The following GREB1L variants were observed in gnomAD, a reference collection of about 807,000 sequenced individuals.
The protein encoded by GREB1L is GREB1 like retinoic acid receptor coactivator.
In GREB1L, 17 loss-of-function variants were observed where a neutral mutation model predicts 200.8. That is an observed-to-expected ratio of 0.08 (90% CI 0.06 to 0.13). The LOEUF (loss-of-function observed/expected upper bound fraction) is 0.13. Among genes scored for constraint, GREB1L ranks in the 10% least tolerant of loss-of-function variants. The pLI is 1.00. For missense variants in GREB1L, 1,657 were observed against 2,367.7 expected (o/e 0.70, Z 6.23); for synonymous variants, 789 against 893.0 (o/e 0.88, Z 2.08).
chr18:21,460,376 G>A (rs756406942), intron 15 of GREB1L, among the ~76,000 whole-genome samples: 6 of 151,874 alleles, frequency 4.0e-5, no homozygotes, highest in African/African-American at 7.2e-5. Context: ...ACAGAGTTTC[G>A]CTTTTGTTGC....
chr18:21,503,207 AT>A (rs1568066676), intron 23 of GREB1L, among the ~76,000 whole-genome samples: 1 of 151,548 alleles, frequency 6.6e-6, no homozygotes, highest in Non-Finnish European at 1.5e-5. Flanking sequence ...ATTATTATTA[AT>A]AATAAAAAAA....
At chr18:21,471,545 A>G (rs1426658487) in intron 15 of GREB1L, among the ~76,000 whole-genome samples, 1 of 152,150 alleles carries the variant, frequency 6.6e-6, no homozygotes, top group Non-Finnish European at 1.5e-5. Flanking sequence ...CTAGCACAGT[A>G]AGTGGCATGG....
chr18:21,418,013 A>G (rs562193788), intron 7 of GREB1L, among the ~76,000 whole-genome samples: 65 of 151,872 alleles, frequency 4.3e-4, no homozygotes, highest in African/African-American at 1.5e-3. Context: ...AAAGAAAACC[A>G]CTGAAAATAG....
chr18:21,304,039 C>G (rs1336719261), intron 1 of GREB1L, among the ~76,000 whole-genome samples: 3 of 152,158 alleles, frequency 2.0e-5, no homozygotes, highest in Non-Finnish European at 4.4e-5. Flanking sequence ...GTTGCCCCCC[C>G]ATAGAATTTA....
At chr18:21,407,117 C>T (rs1160031767) in intron 7 of GREB1L, among the ~76,000 whole-genome samples, 1 of 152,052 alleles carries the variant, frequency 6.6e-6, no homozygotes, top group Non-Finnish European at 1.5e-5. Flanking sequence ...TCAGGTGATC[C>T]ACCAGCCTTG....
At chr18:21,412,051 C>CAAAAAAAAAAAAAAAAAA (rs962603456) in intron 7 of GREB1L, among the ~76,000 whole-genome samples, 4 of 30,506 alleles carry the variant, frequency 1.3e-4, no homozygotes, top group African/African-American at 4.4e-4. Flanking sequence ...GACTCCGTCT[C>CAAAAAAAAAAAAAAAAAA]AAAAAAAAAA....
At chr18:21,487,917 A>G (rs140566127) in intron 18 of GREB1L, among the ~76,000 whole-genome samples, 71 of 151,600 alleles carry the variant, frequency 4.7e-4, no homozygotes, top group African/African-American at 1.6e-3. Flanking sequence ...AGGTTGAGGC[A>G]GGAGAATCAC....
intron 1 of GREB1L, among the ~76,000 whole-genome samples, chr18:21,292,939 T>C (rs2038473769): frequency 6.6e-6 from 1 of 152,094 alleles, no homozygotes; most frequent in African/African-American, 2.4e-5. Flanking sequence ...GGCATAAAGG[T>C]CTTTTTGTAA....
chr18:21,442,599 C>T (rs773829262), intron 10 of GREB1L, among the ~76,000 whole-genome samples: 1 of 152,138 alleles, frequency 6.6e-6, no homozygotes, highest in Non-Finnish European at 1.5e-5. Context: ...TCTCCATCAA[C>T]CACCAAAACA....
intron 1 of GREB1L, among the ~76,000 whole-genome samples, chr18:21,301,185 T>C (rs1244356626): frequency 2.0e-5 from 3 of 152,254 alleles, no homozygotes; most frequent in African/African-American, 2.4e-5. Flanking sequence ...ATTTATTTCA[T>C]GGCTTCTTAA....
Position 21,525,221 on chromosome 18 carries a change from A to G in GREB1L, c.*2400A>G, listed in dbSNP as rs1229714433. On this transcript the variant is annotated 3_prime_UTR_variant, in exon 33 of 33. Transcript: ENST00000424526. The stretch of plus-strand genomic sequence containing the variant: ...TTATAATTTTTTTTGGCTGTAATTT[A>G]TGCAATTGCTTTTTGTGATTTTTAG... 1.3e-5 allele frequency: 2 copies of G among 152,108 alleles called. No individual in the cohort carries two copies. Among genetic ancestry groups the G allele is most frequent in the Non-Finnish European group, 2.9e-5 (2 of 68,004 alleles). The allele number at this position is 152,108 out of a possible 1,614,324, so 9.4% of individuals were successfully genotyped here.
At chr18:21,464,701 C>T (rs2035199297) in intron 15 of GREB1L, among the ~76,000 whole-genome samples, 1 of 152,124 alleles carries the variant, frequency 6.6e-6, no homozygotes, top group African/African-American at 2.4e-5. Flanking sequence ...TTTGGCATCT[C>T]CAGTTATGAG....
intron 1 of GREB1L, among the ~76,000 whole-genome samples, chr18:21,244,787 C>T (rs1156775810): frequency 6.6e-6 from 1 of 152,142 alleles, no homozygotes; most frequent in Non-Finnish European, 1.5e-5. Context: ...GGCCAAACAC[C>T]GGGCTGAGGG....
chr18:21,434,499 A>ATGTGTGTG (rs67516917), intron 7 of GREB1L, among the ~76,000 whole-genome samples: 41 of 127,282 alleles, frequency 3.2e-4, no homozygotes, highest in African/African-American at 1.3e-3. Context: ...ATATATATAT[A>ATGTGTGTG]TGTGTGTGTG....
intron 4 of GREB1L, among the ~76,000 whole-genome samples, chr18:21,389,014 T>G (rs1209244318): frequency 6.6e-6 from 1 of 152,034 alleles, no homozygotes; most frequent in African/African-American, 2.4e-5. Flanking sequence ...AGGAGTGTTA[T>G]CCCCACTCTC....
At chr18:21,332,706 C>T (rs1247721185) in intron 1 of GREB1L, among the ~76,000 whole-genome samples, 2 of 152,090 alleles carry the variant, frequency 1.3e-5, no homozygotes. Context: ...AACTCCTGAC[C>T]TCAAGTGATC....
chr18:21,445,756 A>G (rs752852678), intron 11 of GREB1L, among the ~76,000 whole-genome samples: 1 of 152,206 alleles, frequency 6.6e-6, no homozygotes, highest in Non-Finnish European at 1.5e-5. Context: ...TGAAATTTAC[A>G]AGGCACCAAT....
intron 23 of GREB1L, among the ~76,000 whole-genome samples, chr18:21,503,589 ATT>A (rs1568067159): frequency 7.2e-6 from 1 of 139,016 alleles, no homozygotes; most frequent in South Asian, 2.3e-4. Flanking sequence ...TATTATTATT[ATT>A]TTTGAGATGG....
chr18:21,456,650 T>G (rs2034777477), intron 15 of GREB1L, among the ~76,000 whole-genome samples: 1 of 152,192 alleles, frequency 6.6e-6, no homozygotes, highest in Non-Finnish European at 1.5e-5. Flanking sequence ...GCAGTCTTCT[T>G]TTTAGCCTCT....
Sources: gnomAD v4.1 joint callset for allele counts (sites outside exome capture counted in the v4.1 genomes callset) on GRCh38, gnomAD v4.1.1 for gene constraint, MANE v1.5 for transcripts, NCBI Gene and HGNC (gene_info 2026-07-23, HGNC 2026-07-21) for gene names.